The following ZNF638 variants were observed in gnomAD, a reference collection of about 807,000 sequenced individuals.
The protein encoded by ZNF638 is CTCL tumor antigen se33-1.
A neutral mutation model predicts 195.6 loss-of-function variants in ZNF638; 46 were observed. The observed-to-expected ratio is 0.24, with a 90% CI of 0.19 to 0.30. The LOEUF (loss-of-function observed/expected upper bound fraction) is 0.30. Ranked by LOEUF, ZNF638 falls within the 10% of genes least tolerant of loss-of-function variation. The pLI is 1.00. For synonymous variants in ZNF638, 845 were observed against 772.0 expected (o/e 1.09, Z -1.57); for missense variants, 2,440 against 2,325.3 (o/e 1.05, Z -1.01).
intron 20 of ZNF638, among the ~76,000 whole-genome samples, chr2:71,417,140 A>G (rs3982217): frequency 1.3e-5 from 2 of 149,680 alleles, no homozygotes; most frequent in Non-Finnish European, 3.0e-5. Flanking sequence ...TTCCGTGGGC[A>G]TAGGACCCTC....
At chr2:71,401,347 CA>C (rs11297984) in intron 15 of ZNF638, among the ~76,000 whole-genome samples, 136,979 of 152,116 alleles carry the variant, frequency 0.9, 61,741 homozygotes, top group East Asian at 0.99. Flanking sequence ...TGGCAGAAAA[CA>C]AAAGTGCTTA....
chr2:71,433,825 A>G (rs1477512164), intron 27 of ZNF638, among the ~76,000 whole-genome samples: 1 of 152,160 alleles, frequency 6.6e-6, no homozygotes, highest in African/African-American at 2.4e-5. Flanking sequence ...ACATTTACTG[A>G]GCTGTTCTAT....
rs775818674 is a variant in ZNF638, at chr2:71,368,449, G to A, written c.2063G>A (p.Cys688Tyr). 7 of 1,613,490 alleles carry A rather than the reference G, an allele frequency of 4.3e-6. No homozygotes were observed. In the South Asian group the frequency reaches 6.6e-5, roughly 15 times the overall value. Residue 688 changes from cysteine to tyrosine, a missense_variant, in exon 7 of 28, where the codon TGT (cysteine) becomes TAT (tyrosine). By Grantham distance (194) the Cys-to-Tyr change is radical. Around this residue, in one of 5 missense-constraint regions of ZNF638, gnomAD observed 1,883 missense variants for 1,739.1 expected, o/e 1.08. Coordinates refer to ENST00000264447, the MANE Select transcript of ZNF638 (RefSeq NM_014497.5). ...LLITELPEDG[C>Y]TEEDVRKLFQ... ...ATAACTGAATTACCAGAGGATGGTT[G>A]TACTGAAGAAGATGTGAGAAAATTA...
chr2:71,356,757 C>G (rs889786257), intron 3 of ZNF638, among the ~76,000 whole-genome samples: 1 of 150,784 alleles, frequency 6.6e-6, no homozygotes, highest in African/African-American at 2.4e-5. Flanking sequence ...CCACTGCACT[C>G]TAGCCTGGGC....
chr2:71,373,484 G>T (rs9309451), intron 8 of ZNF638, among the ~76,000 whole-genome samples: 2 of 119,254 alleles, frequency 1.7e-5, no homozygotes, highest in Admixed American at 2.4e-4. Flanking sequence ...TCTCTCTGTC[G>T]CCCAGGCTGG....
chr2:71,388,277 A>G, intron 10 of ZNF638: 1 of 380,326 alleles, frequency 2.6e-6, no homozygotes, highest in South Asian at 2.1e-5. Flanking sequence ...GAATTTATCT[A>G]GATAAGTTTA....
At chr2:71,338,624 A>G (rs369468469) in intron 1 of ZNF638, among the ~76,000 whole-genome samples, 16 of 152,238 alleles carry the variant, frequency 1.1e-4, no homozygotes, top group South Asian at 8.3e-4. Flanking sequence ...CCTTAGCTCC[A>G]TCAAAACTGA....
rs541701216 is a variant in ZNF638, at chr2:71,418,950, A to C, written c.3299+311A>C. ...TCTCGAATAACTCAACATCACGAAC[A>C]GTAATTACATTGTTTTTGTTAGATT... On this transcript the variant is annotated intron_variant, in intron 21 of 27. Transcript: ENST00000264447. Among the ~76,000 whole-genome samples the C allele has an allele frequency of 1.5e-4, 23 of 152,370 alleles. No homozygotes were observed. The South Asian group carries it at 4.8e-3, about 32-fold the overall frequency.
At chr2:71,401,652 A>C (rs1169630492) in intron 15 of ZNF638, among the ~76,000 whole-genome samples, 1 of 151,468 alleles carries the variant, frequency 6.6e-6, no homozygotes, top group Non-Finnish European at 1.5e-5. Flanking sequence ...GTACCACTGC[A>C]CTCCAGCCTG....
intron 16 of ZNF638, 111 bp from the exon 17 acceptor site, chr2:71,403,759 A>G (rs918453368): frequency 5.8e-6 from 4 of 692,724 alleles, no homozygotes; most frequent in Non-Finnish European, 9.1e-6. Context: ...AATATTTACT[A>G]AGTTGTTCAA....
rs906894552 is a variant in ZNF638 at position 71,335,229 on chromosome 2, C to T, written c.-203+3354C>T. On this transcript the variant is annotated intron_variant, in intron 1 of 27. Transcript: ENST00000264447. ...TCTTTTTTAAAAAAATTCATAGAGA[C>T]AAGGTCTTGCTGTATTGCCCAGGCT... Among the ~76,000 whole-genome samples, 6 of 152,202 alleles carry T rather than the reference C, an allele frequency of 3.9e-5. No homozygotes were observed. The East Asian group carries it at 9.7e-4, about 25-fold the overall frequency.
chr2:71,396,451 T>G (rs1459868430), intron 11 of ZNF638, among the ~76,000 whole-genome samples: 1 of 152,210 alleles, frequency 6.6e-6, no homozygotes, highest in Non-Finnish European at 1.5e-5. Context: ...TTTATTGAGG[T>G]CTCTCTTCTT....
chr2:71,423,857 G>C lies in ZNF638; in HGVS notation c.4343G>C (p.Gly1448Ala). The C allele has an allele frequency of 2.5e-6, 4 of 1,614,108 alleles. No homozygotes were observed. Among genetic ancestry groups the C allele is most frequent in the Non-Finnish European group, 3.4e-6 (4 of 1,179,996 alleles). Residue 1448 changes from glycine to alanine, a missense_variant, in exon 22 of 28, where the codon GGC becomes GCC. Physicochemically the swap from Gly to Ala is moderately conservative, Grantham distance 60. Transcript: ENST00000264447. ...GLLKPTSARS[G>A]LAESSSKFKP... ...CTTAAACCCACAAGTGCCAGGTCAGGCTTGGCAGAAAGCAGCAGTAAATTC... is the reference window on the plus strand; with the variant it reads ...CTTAAACCCACAAGTGCCAGGTCAGCCTTGGCAGAAAGCAGCAGTAAATTC...
intron 8 of ZNF638, among the ~76,000 whole-genome samples, chr2:71,372,644 C>G (rs2079334980): frequency 6.6e-6 from 1 of 152,186 alleles, no homozygotes; most frequent in Non-Finnish European, 1.5e-5. Flanking sequence ...TGATGCTTTT[C>G]TGTGTGCAGA....
chr2:71,367,464 C>G (rs912334123), intron 6 of ZNF638, among the ~76,000 whole-genome samples: 1 of 137,694 alleles, frequency 7.3e-6, no homozygotes, highest in African/African-American at 2.7e-5. Context: ...ATCAGAGTCT[C>G]GCTCTGTCAC....
intron 3 of ZNF638, 95 bp downstream of exon 3, chr2:71,355,875 G>A: frequency 1.7e-6 from 1 of 585,498 alleles, no homozygotes; most frequent in South Asian, 4.3e-5. Flanking sequence ...TAATACTTTG[G>A]AGAAAAATAT....
intron 10 of ZNF638, among the ~76,000 whole-genome samples, chr2:71,391,710 G>C (rs1177704710): frequency 6.6e-6 from 1 of 152,072 alleles, no homozygotes; most frequent in African/African-American, 2.4e-5. Flanking sequence ...AAAAATTACT[G>C]GGTGATATTA....
chr2:71,365,021 A>G (rs2079171862), intron 5 of ZNF638, among the ~76,000 whole-genome samples: 1 of 152,210 alleles, frequency 6.6e-6, no homozygotes, highest in African/African-American at 2.4e-5. Context: ...TGTTTTGGGA[A>G]TTACAGTTGG....
chr2:71,332,288 G>A (rs1323263277), intron 1 of ZNF638, among the ~76,000 whole-genome samples: 1 of 152,236 alleles, frequency 6.6e-6, no homozygotes, highest in African/African-American at 2.4e-5. Flanking sequence ...GGTGGTGAGG[G>A]AATGCCGAGC....
Sources: allele counts gnomAD v4.1 joint callset (sites outside exome capture counted in the v4.1 genomes callset), GRCh38; gene constraint gnomAD v4.1.1; regional missense constraint gnomAD v4.1.1; transcripts MANE v1.5; gene names NCBI Gene and HGNC (gene_info 2026-07-23, HGNC 2026-07-21).